ZNF568: variants seen among roughly 807,000 people sequenced by gnomAD.
ZNF568 encodes the protein zinc finger protein 568.
ZNF568 carries 11 observed loss-of-function variants against 18.1 expected under a neutral mutation model. The observed-to-expected ratio is 0.61, with a 90% confidence interval of 0.38 to 1.00. The LOEUF (loss-of-function observed/expected upper bound fraction) is 1.00. ZNF568 is among the 50% of genes least tolerant of loss of function. The pLI is 0.01. For synonymous variants in ZNF568, 213 were observed against 246.6 expected (o/e 0.86, Z 1.28); for missense variants, 639 against 768.2 (o/e 0.83, Z 1.99).
chr19:36,981,086 A>G (rs552117134), downstream of ZNF568, among the ~76,000 whole-genome samples: 16 of 152,236 alleles, frequency 1.1e-4, no homozygotes, highest in Non-Finnish European at 1.9e-4. Context: ...ATTCCTTACT[A>G]CACAGTCCTC....
At chr19:36,918,767 A>G (rs2073397929) in intron 2 of ZNF568, among the ~76,000 whole-genome samples, 1 of 152,176 alleles carries the variant, frequency 6.6e-6, no homozygotes, top group Non-Finnish European at 1.5e-5. Flanking sequence ...ACAGAAACCC[A>G]GTACCTATCA....
At chr19:36,996,582 G>T in exon 5 of ZNF568, 2 of 1,536,076 alleles carry the variant, frequency 1.3e-6, no homozygotes, top group South Asian at 2.4e-5. Flanking sequence ...TTAGGTACCA[G>T]TCATGTCCTA....
Position 36,963,851 on chromosome 19 carries a change from C to CA in ZNF568, c.359-10568dup, listed in dbSNP as rs1568399738. Among the ~76,000 whole-genome samples the CA allele has an allele frequency of 4.6e-5, 7 of 152,148 alleles. No homozygotes were observed. The South Asian group carries it at 1.5e-3, about 32-fold the overall frequency. On this transcript the variant is annotated intron_variant, in intron 6 of 7. Transcript: ENST00000427117. Reference sequence around the variant, plus strand: ...CCATGGTGGCATGCGCCTGTAGTCCCAGCTACTCAGAAGGCTGAGGCAGAA... The same window carrying CA: ...CCATGGTGGCATGCGCCTGTAGTCCCAAGCTACTCAGAAGGCTGAGGCAGAA...
chr19:36,933,931 T>G lies in ZNF568; in HGVS notation c.136-2815T>G, dbSNP rs1175692809. ...TTTTTGTTTTGTTTTTTTGTTTTTTTTTTTTTTTTTTAGTAATTCAGTCTC... is the reference window on the plus strand; with the variant it reads ...TTTTTGTTTTGTTTTTTTGTTTTTTGTTTTTTTTTTTAGTAATTCAGTCTC... On this transcript the variant is annotated intron_variant, in intron 4 of 6. Transcript: ENST00000333987. 1.4e-4 allele frequency among the ~76,000 whole-genome samples: 17 copies of G among 120,208 alleles called. 1 individual carries two copies. Among genetic ancestry groups the G allele is most frequent in the South Asian group, 8.3e-4 (3 of 3,612 alleles). The allele number at this position is 120,208 out of a possible 152,430, so 78.9% of individuals were successfully genotyped here.
At chr19:36,948,658 A>ATTTTTTTTTTTTTTTTTTTTTTT (rs4069585) in intron 6 of ZNF568, among the ~76,000 whole-genome samples, 3 of 83,574 alleles carry the variant, frequency 3.6e-5, no homozygotes, top group African/African-American at 4.8e-5. Context: ...TTTGTTGTTG[A>ATTTTTTTTTTTTTTTTTTTTTTT]TTTTTTTTTT....
rs767141426 is a variant in ZNF568 at position 36,950,954 on chromosome 19, CTTA to C, written c.1806_1808del (p.Ile603del). ...GAAAGCCTTTTCTCAGTGCTCATTA[CTTA>C]TTATACATATGAGAAGTCATACTGG... is the stretch of plus-strand genomic sequence containing the variant. On this transcript the variant is annotated inframe_deletion, in exon 7 of 7. Coordinates refer to ENST00000333987, the MANE Select transcript of ZNF568 (RefSeq NM_198539.4). The C allele has an allele frequency of 3.7e-6, 6 of 1,613,488 alleles. No homozygotes were observed. In the South Asian group the frequency reaches 4.4e-5, roughly 12 times the overall value.
exon 5 of ZNF568, chr19:36,996,403 G>A (rs757283397): frequency 6.4e-5 from 99 of 1,536,198 alleles, no homozygotes; most frequent in Middle Eastern, 1.7e-4. Context: ...GAAGGCCAGA[G>A]TTATCAGAGA....
chr19:36,997,406 T>C (rs1325474183), downstream of ZNF568: 16 of 1,588,322 alleles, frequency 1.0e-5, no homozygotes, highest in Non-Finnish European at 1.4e-5. Context: ...GAAAAGGCCT[T>C]TACTTGTAGC....
intron 6 of ZNF568, among the ~76,000 whole-genome samples, chr19:36,967,958 T>A (rs1415734480): frequency 1.3e-5 from 2 of 152,222 alleles, no homozygotes; most frequent in Non-Finnish European, 2.9e-5. Flanking sequence ...TGAAAATGCA[T>A]ATCTCTTAAC....
At chr19:36,985,511 G>GTTTGT (rs74179499) in intron 2 of ZNF568, among the ~76,000 whole-genome samples, 70 of 36,410 alleles carry the variant, frequency 1.9e-3, no homozygotes, top group African/African-American at 4.8e-3. Flanking sequence ...TTGTTTGTTT[G>GTTTGT]TTTGTTTTGT....
chr19:36,997,081 A>C, exon 5 of ZNF568: 1 of 1,565,620 alleles, frequency 6.4e-7, no homozygotes, highest in Non-Finnish European at 8.6e-7. Context: ...TCGTTATGAC[A>C]CACAGCTGAG....
At chr19:36,931,481 C>G (rs2073685500) in intron 4 of ZNF568, 1 of 152,142 alleles carries the variant, frequency 6.6e-6, no homozygotes, top group Non-Finnish European at 1.5e-5. Flanking sequence ...CCCGCCTCAG[C>G]CTCCCGAGTA....
intron 6 of ZNF568, among the ~76,000 whole-genome samples, chr19:36,968,622 A>T (rs2074212701): frequency 6.6e-6 from 1 of 151,430 alleles, no homozygotes; most frequent in Admixed American, 6.6e-5. Flanking sequence ...TGAAGTTATC[A>T]TCCCTCAGGT....
intron 2 of ZNF568, among the ~76,000 whole-genome samples, chr19:36,986,772 C>G (rs1234161259): frequency 6.6e-6 from 1 of 152,144 alleles, no homozygotes; most frequent in African/African-American, 2.4e-5. Context: ...AGCTGCTCCT[C>G]TCTTCCCATT....
At chr19:36,981,318 C>T (rs2074329489), downstream of ZNF568, among the ~76,000 whole-genome samples, 1 of 152,140 alleles carries the variant, frequency 6.6e-6, no homozygotes. Flanking sequence ...GTTTTGGCTT[C>T]ATATACATTT....
chr19:36,973,018 A>C (rs541252431), intron 6 of ZNF568, among the ~76,000 whole-genome samples: 2 of 152,286 alleles, frequency 1.3e-5, no homozygotes, highest in South Asian at 4.1e-4. Flanking sequence ...AGTTCCTGGG[A>C]GGGTGCTCGG....
chr19:36,950,281 TG>T lies in ZNF568; in HGVS notation c.1129del (p.Val377LeufsTer5), dbSNP rs1399974859. 3.1e-6 allele frequency: 5 copies of T among 1,614,054 alleles called. No individual in the cohort carries two copies. In the African/African-American group the frequency reaches 5.3e-5, roughly 17 times the overall value. On this transcript the variant is annotated frameshift_variant, in exon 7 of 7. Coordinates refer to ENST00000333987, the MANE Select transcript of ZNF568 (RefSeq NM_198539.4). LOFTEE classifies it low-confidence loss of function (END_TRUNC). ...GTAGAGCTTTTTCTCGAATGTCATC[TG>T]TTACGCTACATATGAGAAGTCACAC... is the stretch of plus-strand genomic sequence containing the variant. ...CGRAFSRMSSVTLHMRSHTGE... is the reference protein window; with the variant it reads ...CGRAFSRMSSXTLHMRSHTGE...
chr19:36,955,251 TG>T (rs770708317), downstream of ZNF568, among the ~76,000 whole-genome samples: 14 of 151,768 alleles, frequency 9.2e-5, no homozygotes, highest in South Asian at 2.1e-4. Context: ...TAATGTTTTT[TG>T]TTTGTTTGTT....
At chr19:36,935,490 G>T (rs1163879816) in intron 4 of ZNF568, among the ~76,000 whole-genome samples, 1 of 151,304 alleles carries the variant, frequency 6.6e-6, no homozygotes, top group Non-Finnish European at 1.5e-5. Context: ...AACTTGGGCG[G>T]CAGAGGTTGC....
Sources: gnomAD v4.1 joint callset for allele counts (sites outside exome capture counted in the v4.1 genomes callset) on GRCh38, gnomAD v4.1.1 for gene constraint, MANE v1.5 for transcripts, NCBI Gene and HGNC (gene_info 2026-07-23, HGNC 2026-07-21) for gene names.